Variants in NBAS observed in about 807,000 individuals in gnomAD.
NBAS encodes the protein NAG/BC035112 fusion.
A neutral mutation model predicts 302.5 loss-of-function variants in NBAS; 219 were observed. The observed-to-expected ratio is 0.72, with a 90% CI of 0.65 to 0.81. The LOEUF is 0.81. Ranked by LOEUF, NBAS falls within the 30% of genes least tolerant of loss-of-function variation. NBAS has a pLI of 0.00. For missense variants in NBAS, 2,932 were observed against 2,841.6 expected, an observed-to-expected ratio of 1.03 and a Z score of -0.72; for synonymous variants, 1,118 against 1,021.6, an observed-to-expected ratio of 1.09 and a Z score of -1.80.
chr2:14,930,077 T>C, the NBAS span, among the ~76,000 whole-genome samples: 9 of 152,212 alleles, frequency 5.9e-5, no homozygotes, highest in Admixed American at 6.5e-5. Flanking sequence ...CCAGCCATTC[T>C]TCCTGTGCAG....
At chr2:15,134,761 C>A in the NBAS span, among the ~76,000 whole-genome samples, 1 of 152,102 alleles carries the variant, frequency 6.6e-6, no homozygotes, top group Non-Finnish European at 1.5e-5. Context: ...TGTATATCTA[C>A]CCTTCTCTTA....
At chr2:15,441,521 AG>A (rs1190723376) in intron 21 of NBAS, among the ~76,000 whole-genome samples, 5 of 152,128 alleles carry the variant, frequency 3.3e-5, no homozygotes, top group Admixed American at 2.6e-4. Flanking sequence ...AAACATGGAA[AG>A]GAACAACCGG....
chr2:15,113,467 G>A, the NBAS span, among the ~76,000 whole-genome samples: 5 of 151,860 alleles, frequency 3.3e-5, no homozygotes, highest in Non-Finnish European at 5.9e-5. Context: ...GATGATTCCA[G>A]ATCTGCATAA....
At chr2:15,360,331 A>T (rs1673840727) in intron 32 of NBAS, among the ~76,000 whole-genome samples, 1 of 75,568 alleles carries the variant, frequency 1.3e-5, no homozygotes, top group Non-Finnish European at 3.1e-5. Flanking sequence ...ACCATAACTT[A>T]AAAAAAAAAA....
intron 44 of NBAS, among the ~76,000 whole-genome samples, chr2:15,248,298 A>G (rs1433608664): frequency 6.6e-6 from 1 of 152,224 alleles, no homozygotes; most frequent in Admixed American, 6.5e-5. Context: ...GGACACATTT[A>G]AAGCAGTGTG....
intron 30 of NBAS, among the ~76,000 whole-genome samples, chr2:15,375,325 C>T (rs1444770397): frequency 6.6e-6 from 1 of 152,114 alleles, no homozygotes; most frequent in Non-Finnish European, 1.5e-5. Context: ...TGTTTAAATT[C>T]AAAGAAACTG....
chr2:15,010,764 C>A, the NBAS span, among the ~76,000 whole-genome samples: 36 of 152,140 alleles, frequency 2.4e-4, no homozygotes, highest in African/African-American at 8.2e-4. Flanking sequence ...CATATATTAA[C>A]ACAAAATGTG....
At chr2:15,342,393 A>C (rs1672897050) in intron 35 of NBAS, among the ~76,000 whole-genome samples, 1 of 152,136 alleles carries the variant, frequency 6.6e-6, no homozygotes, top group Non-Finnish European at 1.5e-5. Context: ...GTCTATATGG[A>C]ATCACAAGGG....
At chr2:15,367,079 C>T (rs373318819) in intron 31 of NBAS, among the ~76,000 whole-genome samples, 1 of 152,108 alleles carries the variant, frequency 6.6e-6, no homozygotes, top group South Asian at 2.1e-4. Flanking sequence ...ACCCTCTAAG[C>T]CCCATTCCTT....
rs115384540 is a variant in NBAS at position 15,489,683 on chromosome 2, A to C, written c.955-661T>G. 5.6e-3 allele frequency among the ~76,000 whole-genome samples: 857 copies of C among 152,326 alleles called. 10 individuals are homozygous for C. Among genetic ancestry groups the C allele is most frequent in the African/African-American group, 0.019 (801 of 41,578 alleles). On this transcript the variant is annotated intron_variant, in intron 11 of 51. Coordinates refer to ENST00000281513, the MANE Select transcript of NBAS (RefSeq NM_015909.4). ...TGACTGATTTCATATAGTCAACCGA[A>C]AGGTACACAGAGGAAGAGTTATCCT...
intron 6 of NBAS, among the ~76,000 whole-genome samples, chr2:15,543,660 CCGATAAAA>C (rs1663962663): frequency 6.6e-6 from 1 of 152,126 alleles, no homozygotes; most frequent in Admixed American, 6.6e-5. Context: ...GCAGAAACCC[CCGATAAAA>C]CCATCAGATC....
intron 21 of NBAS, among the ~76,000 whole-genome samples, chr2:15,432,996 A>G (rs1677836531): frequency 6.6e-6 from 1 of 152,218 alleles, no homozygotes; most frequent in African/African-American, 2.4e-5. Flanking sequence ...AATGTGTAAA[A>G]GAGAGACAAG....
chr2:15,335,174 TAAAAAAAAAAA>T (rs34790746), intron 35 of NBAS, among the ~76,000 whole-genome samples: 1 of 117,260 alleles, frequency 8.5e-6, no homozygotes, highest in Admixed American at 8.8e-5. Context: ...TCATCTCTCT[TAAAAAAAAAAA>T]AAAAAAAAAA....
At chr2:15,008,932 G>A in the NBAS span, among the ~76,000 whole-genome samples, 1 of 151,914 alleles carries the variant, frequency 6.6e-6, no homozygotes, top group Non-Finnish European at 1.5e-5. Flanking sequence ...ATCAGTTCAG[G>A]CATTTAAATT....
intron 21 of NBAS, among the ~76,000 whole-genome samples, chr2:15,429,370 G>C (rs928829445): frequency 2.0e-5 from 3 of 152,148 alleles, no homozygotes; most frequent in African/African-American, 7.2e-5. Flanking sequence ...AGTATCAATA[G>C]TAGCATTTTC....
chr2:14,944,370 T>TA, the NBAS span, among the ~76,000 whole-genome samples: 1 of 152,144 alleles, frequency 6.6e-6, no homozygotes, highest in South Asian at 2.1e-4. Context: ...CTGCACAGTG[T>TA]AAAGTGCTTC....
chr2:15,400,033 A>C (rs1056563289), intron 26 of NBAS, among the ~76,000 whole-genome samples: 3 of 152,170 alleles, frequency 2.0e-5, no homozygotes, highest in Non-Finnish European at 4.4e-5. Flanking sequence ...CTTTGACAGG[A>C]AGCTATTTGA....
At chr2:15,547,501 C>A (rs1036991696) in intron 6 of NBAS, among the ~76,000 whole-genome samples, 21 of 152,146 alleles carry the variant, frequency 1.4e-4, no homozygotes, top group African/African-American at 3.9e-4. Flanking sequence ...GCCACATTAA[C>A]CATACACACT....
At chr2:15,034,335 G>GGCAGGCAA in the NBAS span, among the ~76,000 whole-genome samples, 1 of 151,598 alleles carries the variant, frequency 6.6e-6, no homozygotes, top group Non-Finnish European at 1.5e-5. Context: ...CAGGCAGGCA[G>GGCAGGCAA]GCAAGCAAGC....
Sources: allele counts gnomAD v4.1 joint callset (sites outside exome capture counted in the v4.1 genomes callset), GRCh38; gene constraint gnomAD v4.1.1; transcripts MANE v1.5; gene names NCBI Gene and HGNC (gene_info 2026-07-23, HGNC 2026-07-21).